APP: variants seen among roughly 807,000 people sequenced by gnomAD.
APP encodes amyloid-beta precursor protein.
A neutral mutation model predicts 101.4 loss-of-function variants in APP; 31 were observed. The observed-to-expected ratio is 0.31, with a 90% CI of 0.23 to 0.41. APP has a LOEUF of 0.41. Among genes scored for constraint, APP ranks in the 10% least tolerant of loss-of-function variants. APP has a pLI of 1.00. For synonymous variants in APP, 366 were observed against 364.4 expected, an observed-to-expected ratio of 1.00 and a Z score of -0.05; for missense variants, 839 against 1,003.7, an observed-to-expected ratio of 0.84 and a Z score of 2.22.
chr21:26,044,911 T>A (rs772405472), intron 5 of APP, among the ~76,000 whole-genome samples: 1 of 152,232 alleles, frequency 6.6e-6, no homozygotes, highest in African/African-American at 2.4e-5. Context: ...AGGAAGGATA[T>A]CATCACTCAA....
At chr21:25,894,474 A>G (rs2037900762) in intron 16 of APP, among the ~76,000 whole-genome samples, 1 of 152,200 alleles carries the variant, frequency 6.6e-6, no homozygotes, top group Non-Finnish European at 1.5e-5. Context: ...AAACATCAGC[A>G]ATAACGGGAG....
chr21:25,942,950 C>G (rs1356985434), intron 13 of APP: 3 of 152,122 alleles, frequency 2.0e-5, no homozygotes, highest in Admixed American at 2.0e-4. Flanking sequence ...TAAACACTAA[C>G]TCCACAGTCC....
chr21:26,091,096 T>C (rs1601434584), intron 2 of APP, among the ~76,000 whole-genome samples: 1 of 152,234 alleles, frequency 6.6e-6, no homozygotes, highest in African/African-American at 2.4e-5. Flanking sequence ...AAATGTGCAT[T>C]CCCTTGCATA....
At chr21:25,955,833 T>A in intron 11 of APP, 78 bp from the exon 12 acceptor site, 1 of 1,598,994 alleles carries the variant, frequency 6.3e-7, no homozygotes, top group East Asian at 2.2e-5. Context: ...GGTTAGAGGT[T>A]CCACTAATGC....
chr21:25,977,546 A>C (rs1055081685), intron 9 of APP, among the ~76,000 whole-genome samples: 1 of 152,202 alleles, frequency 6.6e-6, no homozygotes, highest in African/African-American at 2.4e-5. Context: ...ATGAGACAAT[A>C]CTATATCAAA....
intron 1 of APP, among the ~76,000 whole-genome samples, chr21:26,121,001 C>A (rs2062555545): frequency 6.6e-6 from 1 of 152,144 alleles, no homozygotes; most frequent in East Asian, 1.9e-4. Context: ...CCCGCCCAGC[C>A]CTCTCCGGGA....
intron 14 of APP, among the ~76,000 whole-genome samples, chr21:25,908,824 C>T (rs56165495): frequency 0.017 from 2,575 of 152,130 alleles, 81 homozygotes; most frequent in African/African-American, 0.059. Context: ...ATTTTACAGA[C>T]GAGGAAGCAG....
At chr21:25,961,023 G>GT (rs1358298398) in intron 11 of APP, among the ~76,000 whole-genome samples, 1 of 152,134 alleles carries the variant, frequency 6.6e-6, no homozygotes, top group Non-Finnish European at 1.5e-5. Flanking sequence ...AAACACAGGT[G>GT]TAAAAAGAAA....
intron 5 of APP, among the ~76,000 whole-genome samples, chr21:26,033,398 C>T (rs2044933386): frequency 6.6e-6 from 1 of 152,208 alleles, no homozygotes; most frequent in Admixed American, 6.5e-5. Context: ...TTCCTGAGGC[C>T]TCCTCAGCCA....
intron 13 of APP, among the ~76,000 whole-genome samples, chr21:25,954,053 A>T (rs1160693859): frequency 6.6e-6 from 1 of 152,258 alleles, no homozygotes; most frequent in East Asian, 1.9e-4. Context: ...TTCCCTGCTC[A>T]GCCATCAAAG....
chr21:26,142,326 T>C (rs975662247), intron 1 of APP, among the ~76,000 whole-genome samples: 16 of 152,188 alleles, frequency 1.1e-4, no homozygotes, highest in African/African-American at 3.9e-4. Context: ...CTTTCTAGGC[T>C]CTGCTAAGAA....
intron 11 of APP, among the ~76,000 whole-genome samples, chr21:25,967,945 AG>A (rs1186709240): frequency 6.6e-5 from 10 of 152,162 alleles, no homozygotes; most frequent in Non-Finnish European, 1.5e-4. Context: ...TAATTCTTCC[AG>A]GGGGAAAAAG....
chr21:25,882,271 G>A (rs1292101763), intron 17 of APP, among the ~76,000 whole-genome samples: 2 of 151,196 alleles, frequency 1.3e-5, no homozygotes, highest in Admixed American at 1.3e-4. Context: ...ATTTAGTCTA[G>A]CCCATTTCTA....
At chr21:26,144,584 C>T (rs1050044585) in intron 1 of APP, among the ~76,000 whole-genome samples, 1 of 152,140 alleles carries the variant, frequency 6.6e-6, no homozygotes, top group Non-Finnish European at 1.5e-5. Flanking sequence ...AAGTCAGTTA[C>T]AATTTTCCAT....
rs867190624 is a variant in APP at position 25,955,755 on chromosome 21, G to A, written c.1459C>T (p.Pro487Ser). Residue 487 changes from proline (P) to serine (S), a missense_variant and splice_region_variant, in exon 12 of 18, where the codon CCT (proline) becomes TCT (serine). Pro to Ser is a moderately conservative substitution (Grantham distance 74, BLOSUM62 -1). Coordinates refer to ENST00000346798, the MANE Select transcript of APP (RefSeq NM_000484.4). ...TTTAGCATATTGAACACGTGACGAG[G>A]CTGTGGGAGGAAAATGAAAAACTCT... is the stretch of plus-strand genomic sequence containing the variant. ...ITALQAVPPR[P>S]RHVFNMLKKY... 6.2e-7 allele frequency: 1 copy of A among 1,614,128 alleles called. No individual in the cohort carries two copies. The highest frequency in any genetic ancestry group is 1.6e-4 in the Middle Eastern group (1 of 6,062).
intron 3 of APP, among the ~76,000 whole-genome samples, chr21:26,060,731 G>T (rs1196113831): frequency 6.6e-6 from 1 of 152,172 alleles, no homozygotes; most frequent in African/African-American, 2.4e-5. Context: ...AGGGAACAAA[G>T]TATTCAGAAT....
chr21:26,021,607 T>C (rs2044340267), intron 6 of APP, among the ~76,000 whole-genome samples: 1 of 152,156 alleles, frequency 6.6e-6, no homozygotes, highest in African/African-American at 2.4e-5. Flanking sequence ...AACTTGGGAT[T>C]TGCCAAGCAG....
intron 3 of APP, among the ~76,000 whole-genome samples, chr21:26,086,856 A>C (rs1483444752): frequency 6.6e-6 from 1 of 152,180 alleles, no homozygotes; most frequent in East Asian, 1.9e-4. Flanking sequence ...TACTGTAAAA[A>C]ACACTGGACC....
intron 1 of APP, among the ~76,000 whole-genome samples, chr21:26,160,900 G>A (rs868157666): frequency 3.9e-5 from 6 of 152,202 alleles, no homozygotes; most frequent in Non-Finnish European, 7.4e-5. Context: ...ATGACTGAAC[G>A]TGATGTATTG....
Sources: gnomAD v4.1 joint callset for allele counts (sites outside exome capture counted in the v4.1 genomes callset) on GRCh38, gnomAD v4.1.1 for gene constraint, MANE v1.5 for transcripts, NCBI Gene and HGNC (gene_info 2026-07-23, HGNC 2026-07-21) for gene names.